FBXL7: variants seen among roughly 807,000 people sequenced by gnomAD.
FBXL7 encodes the protein F-box and leucine rich repeat protein 7.
A neutral mutation model predicts 38.3 loss-of-function variants in FBXL7; 12 were observed. The observed-to-expected ratio is 0.31, with a 90% CI of 0.20 to 0.51. FBXL7 has a LOEUF of 0.51. FBXL7 is among the 20% of genes least tolerant of loss of function. The probability of loss-of-function intolerance (pLI) is 0.98; values close to 1 mark genes in which losing one functional copy is unlikely to be tolerated. For missense variants in FBXL7, 567 were observed against 676.4 expected (o/e 0.84, Z 1.79); for synonymous variants, 297 against 300.9 (o/e 0.99, Z 0.13).
intron 2 of FBXL7, among the ~76,000 whole-genome samples, chr5:15,707,173 C>CTTTTTTTTTTTT (rs1743708795): frequency 2.6e-5 from 1 of 39,170 alleles, no homozygotes; most frequent in Non-Finnish European, 5.4e-5. Flanking sequence ...TTTTTCTTTT[C>CTTTTTTTTTTTT]GTTTTTTTTT....
intron 2 of FBXL7, among the ~76,000 whole-genome samples, chr5:15,806,016 A>C (rs1295059008): frequency 6.6e-6 from 1 of 152,200 alleles, no homozygotes; most frequent in Non-Finnish European, 1.5e-5. Context: ...AAACCTCATA[A>C]TCACAGAATA....
intron 1 of FBXL7, among the ~76,000 whole-genome samples, chr5:15,517,115 C>A (rs1273051304): frequency 6.6e-6 from 1 of 151,958 alleles, no homozygotes; most frequent in Non-Finnish European, 1.5e-5. Context: ...CAAGCTCCGC[C>A]TCCCGGGTTC....
chr5:15,663,735 G>T (rs940381115), intron 2 of FBXL7, among the ~76,000 whole-genome samples: 1 of 152,146 alleles, frequency 6.6e-6, no homozygotes, highest in African/African-American at 2.4e-5. Context: ...GTATTTTGTT[G>T]AGGGTTTTTG....
chr5:15,522,613 A>G (rs1737131422), intron 1 of FBXL7, among the ~76,000 whole-genome samples: 2 of 152,232 alleles, frequency 1.3e-5, no homozygotes, highest in Admixed American at 1.3e-4. Flanking sequence ...TAAAAATAGT[A>G]ACATTAGTTA....
chr5:15,846,911 G>A lies in FBXL7; in HGVS notation c.128-80979G>A, dbSNP rs11740551. Among the ~76,000 whole-genome samples the A allele has an allele frequency of 3.9e-5, 6 of 152,010 alleles. No homozygotes were observed. In the East Asian group the frequency reaches 5.8e-4, roughly 15 times the overall value. ...AATTATGCTCAATCTTTTTTTCAAA[G>A]ATATAGAAATTAAAAATTATAAGAA... On this transcript the variant is annotated intron_variant, in intron 2 of 3. Coordinates refer to ENST00000504595, the MANE Select transcript of FBXL7 (RefSeq NM_012304.5).
At chr5:15,930,225 A>T (rs1013324708) in intron 3 of FBXL7, among the ~76,000 whole-genome samples, 3 of 152,196 alleles carry the variant, frequency 2.0e-5, no homozygotes, top group African/African-American at 7.2e-5. Context: ...AATTCTGGAA[A>T]GAGAAAATGT....
At chr5:15,835,170 C>T (rs1392251091) in intron 2 of FBXL7, among the ~76,000 whole-genome samples, 1 of 152,100 alleles carries the variant, frequency 6.6e-6, no homozygotes, top group East Asian at 1.9e-4. Context: ...CTGATGAATG[C>T]TATAATTTTT....
chr5:15,743,656 T>A (rs769056020), intron 2 of FBXL7, among the ~76,000 whole-genome samples: 2 of 152,222 alleles, frequency 1.3e-5, no homozygotes, highest in Non-Finnish European at 2.9e-5. Flanking sequence ...TTCTCACAGT[T>A]CCATTAAGCA....
chr5:15,627,450 T>C (rs1740855808), intron 2 of FBXL7, among the ~76,000 whole-genome samples: 1 of 152,122 alleles, frequency 6.6e-6, no homozygotes, highest in African/African-American at 2.4e-5. Flanking sequence ...TGGGTCCATG[T>C]AGGGAAAATG....
At chr5:15,587,555 G>A (rs1054332041) in intron 1 of FBXL7, among the ~76,000 whole-genome samples, 1 of 152,188 alleles carries the variant, frequency 6.6e-6, no homozygotes, top group Non-Finnish European at 1.5e-5. Context: ...ACCTCAGCTT[G>A]GGCATTGTGT....
chr5:15,669,183 T>A (rs1273048288), intron 2 of FBXL7, among the ~76,000 whole-genome samples: 2 of 152,168 alleles, frequency 1.3e-5, no homozygotes, highest in Non-Finnish European at 2.9e-5. Flanking sequence ...TATCAATAAT[T>A]TTTTTTAAAA....
intron 2 of FBXL7, among the ~76,000 whole-genome samples, chr5:15,882,709 T>G (rs1356565567): frequency 2.0e-5 from 3 of 152,150 alleles, no homozygotes; most frequent in African/African-American, 7.2e-5. Context: ...CTTCTCAATC[T>G]CCTTTGGAAG....
intron 2 of FBXL7, among the ~76,000 whole-genome samples, chr5:15,902,946 C>T (rs1378279731): frequency 1.3e-5 from 2 of 152,214 alleles, no homozygotes; most frequent in East Asian, 1.9e-4. Context: ...GTGGGACTGA[C>T]TAGTGTCCAA....
intron 2 of FBXL7, among the ~76,000 whole-genome samples, chr5:15,777,503 G>C (rs1241916612): frequency 1.3e-5 from 2 of 151,874 alleles, no homozygotes; most frequent in African/African-American, 4.8e-5. Context: ...CATTTAATTA[G>C]CATGAAATGG....
At chr5:15,747,355 C>G (rs1177885118) in intron 2 of FBXL7, among the ~76,000 whole-genome samples, 1 of 152,116 alleles carries the variant, frequency 6.6e-6, no homozygotes, top group African/African-American at 2.4e-5. Flanking sequence ...CTAAGATCAT[C>G]TGGGGACAAA....
chr5:15,555,226 C>G (rs1226782487), intron 1 of FBXL7, among the ~76,000 whole-genome samples: 1 of 152,166 alleles, frequency 6.6e-6, no homozygotes, highest in Admixed American at 6.5e-5. Flanking sequence ...ACACACACCC[C>G]CCACAGAACA....
chr5:15,620,316 T>A (rs1740588732), intron 2 of FBXL7, among the ~76,000 whole-genome samples: 1 of 147,962 alleles, frequency 6.8e-6, no homozygotes, highest in Non-Finnish European at 1.5e-5. Context: ...CACTGCAACC[T>A]CCTCCTCCCA....
At chr5:15,635,996 T>C (rs968055859) in intron 2 of FBXL7, among the ~76,000 whole-genome samples, 8 of 151,838 alleles carry the variant, frequency 5.3e-5, no homozygotes, top group Non-Finnish European at 1.2e-4. Flanking sequence ...TATTTGTCTA[T>C]AGCAAGGTTA....
chr5:15,754,325 A>G (rs1241180090), intron 2 of FBXL7, among the ~76,000 whole-genome samples: 1 of 152,198 alleles, frequency 6.6e-6, no homozygotes, highest in African/African-American at 2.4e-5. Flanking sequence ...AGAAATTTGA[A>G]TCAATAGAGT....
Sources: gnomAD v4.1 joint callset for allele counts (sites outside exome capture counted in the v4.1 genomes callset) on GRCh38, gnomAD v4.1.1 for gene constraint, MANE v1.5 for transcripts, NCBI Gene and HGNC (gene_info 2026-07-23, HGNC 2026-07-21) for gene names.